DTNB: variants seen among roughly 807,000 people sequenced by gnomAD.
The protein encoded by DTNB is DTN-B.
Under a neutral mutation model 90.7 loss-of-function variants are expected in DTNB, and 63 were observed. The observed-to-expected ratio is 0.69, with a 90% confidence interval of 0.57 to 0.86. DTNB has a LOEUF of 0.86. Ranked by LOEUF, DTNB falls within the 40% of genes least tolerant of loss-of-function variation. The pLI is 0.00. For synonymous variants in DTNB, 277 were observed against 286.7 expected, an observed-to-expected ratio of 0.97 and a Z score of 0.34; for missense variants, 744 against 807.1, an observed-to-expected ratio of 0.92 and a Z score of 0.95.
intron 8 of DTNB, among the ~76,000 whole-genome samples, chr2:25,543,796 G>A (rs1244702000): frequency 6.6e-6 from 1 of 151,356 alleles, no homozygotes; most frequent in Admixed American, 6.6e-5. Context: ...TTTGCTCTTT[G>A]AGTTTACTCT....
At chr2:25,416,153 T>C (rs1186113237) in intron 16 of DTNB, among the ~76,000 whole-genome samples, 2 of 152,204 alleles carry the variant, frequency 1.3e-5, no homozygotes, top group Non-Finnish European at 2.9e-5. Flanking sequence ...CCAGCTGGTG[T>C]CTGCAGAGAA....
At chr2:25,650,015 T>TACATCCCAGC (rs2080514410) in intron 2 of DTNB, 1 of 985,244 alleles carries the variant, frequency 1.0e-6, no homozygotes, top group Non-Finnish European at 1.2e-6. Flanking sequence ...CAAGAAGTCA[T>TACATCCCAGC]ACTTACCAAA....
At chr2:25,562,436 G>T (rs1289997253) in intron 8 of DTNB, among the ~76,000 whole-genome samples, 2 of 152,160 alleles carry the variant, frequency 1.3e-5, no homozygotes, top group Non-Finnish European at 2.9e-5. Context: ...GTTCTCAAGG[G>T]TGTATACCTA....
chr2:25,642,087 T>A (rs1005172012), intron 2 of DTNB, among the ~76,000 whole-genome samples: 2 of 152,200 alleles, frequency 1.3e-5, no homozygotes, highest in East Asian at 3.8e-4. Context: ...CCCAAAGTGC[T>A]GGGATTACAG....
intron 16 of DTNB, among the ~76,000 whole-genome samples, chr2:25,391,314 A>G (rs1161220631): frequency 6.6e-6 from 1 of 152,232 alleles, no homozygotes; most frequent in Non-Finnish European, 1.5e-5. Context: ...CAAGAAAGTG[A>G]AAGTCAACCC....
At chr2:25,527,343 T>C (rs2077361111) in intron 9 of DTNB, among the ~76,000 whole-genome samples, 3 of 152,022 alleles carry the variant, frequency 2.0e-5, no homozygotes, top group Non-Finnish European at 2.9e-5. Flanking sequence ...GCCAACATGG[T>C]GAAACCCCGT....
intron 16 of DTNB, among the ~76,000 whole-genome samples, chr2:25,415,832 A>G (rs575217102): frequency 6.6e-6 from 1 of 152,296 alleles, no homozygotes; most frequent in East Asian, 1.9e-4. Flanking sequence ...CCCTTCTGGA[A>G]CTTGCCCTAT....
intron 8 of DTNB, among the ~76,000 whole-genome samples, chr2:25,559,312 G>A (rs993965330): frequency 2.6e-5 from 4 of 152,024 alleles, no homozygotes; most frequent in Admixed American, 6.6e-5. Context: ...TTTCACCTAC[G>A]GCTCTAGGAG....
At chr2:25,497,281 T>G (rs1261638991) in intron 9 of DTNB, 2 of 152,182 alleles carry the variant, frequency 1.3e-5, no homozygotes, top group African/African-American at 4.8e-5. Flanking sequence ...CATTGGAAGC[T>G]TAAAAATGAA....
chr2:25,525,551 G>T (rs898158428), intron 9 of DTNB, among the ~76,000 whole-genome samples: 1 of 151,718 alleles, frequency 6.6e-6, no homozygotes, highest in Non-Finnish European at 1.5e-5. Flanking sequence ...CAGGAGAATC[G>T]CTTGAACCCA....
In DTNB at chr2:25,571,538, C is replaced by A. The variant is rs144936868; in HGVS notation, c.876+5300G>T. On this transcript the variant is annotated intron_variant, in intron 8 of 20. Transcript: ENST00000406818. Reference sequence around the variant, plus strand: ...TATACCCCTACCCTGAACACTACCTCTTCTCTTCCCCAGATCTCTGCTGGT... The same window carrying A: ...TATACCCCTACCCTGAACACTACCTATTCTCTTCCCCAGATCTCTGCTGGT... Among the ~76,000 whole-genome samples the A allele has an allele frequency of 1.8e-4, 27 of 152,296 alleles. No homozygotes were observed. In the East Asian group the frequency reaches 5.2e-3, roughly 29 times the overall value.
intron 6 of DTNB, among the ~76,000 whole-genome samples, chr2:25,587,709 G>A: frequency 6.6e-6 from 1 of 152,280 alleles, no homozygotes; most frequent in Middle Eastern, 3.4e-3. Flanking sequence ...CATTTAGTAA[G>A]ACACTCTCTC....
intron 8 of DTNB, among the ~76,000 whole-genome samples, chr2:25,551,966 A>G (rs1489443021): frequency 6.6e-6 from 1 of 152,236 alleles, no homozygotes; most frequent in East Asian, 1.9e-4. Flanking sequence ...CAGCTCATCT[A>G]TTTAATTTCT....
At chr2:25,540,101 T>C (rs2151007538) in intron 8 of DTNB, among the ~76,000 whole-genome samples, 2 of 152,304 alleles carry the variant, frequency 1.3e-5, no homozygotes, top group Admixed American at 1.3e-4. Flanking sequence ...CCTACATTCT[T>C]CTTTAGGGTT....
chr2:25,667,313 AC>A (rs747314383), intron 1 of DTNB, among the ~76,000 whole-genome samples: 6 of 151,918 alleles, frequency 3.9e-5, no homozygotes, highest in Non-Finnish European at 8.8e-5. Flanking sequence ...ACATGGTGAA[AC>A]CCTGTCTCTA....
rs70947889 is a variant in DTNB at position 25,420,467 on chromosome 2, A to AATCTATCTATCT, written c.1555-944_1555-933dup. On this transcript the variant is annotated intron_variant, in intron 15 of 20. Transcript: ENST00000406818. ...AGAAATGGTCTCTGTCATCTAAATC[A>AATCTATCTATCT]ATCTATCTATCTATCTATCTATCTA... Among the ~76,000 whole-genome samples the AATCTATCTATCT allele has an allele frequency of 2.7e-3, 400 of 145,620 alleles. 1 individual carries two copies. Among genetic ancestry groups the AATCTATCTATCT allele is most frequent in the East Asian group, 0.011 (51 of 4,778 alleles).
intron 9 of DTNB, among the ~76,000 whole-genome samples, chr2:25,494,475 G>C (rs1162342505): frequency 6.7e-6 from 1 of 149,118 alleles, no homozygotes; most frequent in Non-Finnish European, 1.5e-5. Flanking sequence ...GGGGGGTGGG[G>C]GGAGGAGGGG....
chr2:25,445,920 GTTTT>G (rs11453188), intron 12 of DTNB, among the ~76,000 whole-genome samples: 5 of 137,088 alleles, frequency 3.6e-5, no homozygotes, highest in Non-Finnish European at 6.3e-5. Context: ...ACCCTGGGTA[GTTTT>G]TTTTTTTTTT....
At chr2:25,377,750 A>C (rs1233457819) in intron 20 of DTNB, among the ~76,000 whole-genome samples, 197 bp from the exon 21 acceptor site, 4 of 152,162 alleles carry the variant, frequency 2.6e-5, no homozygotes, top group Non-Finnish European at 5.9e-5. Context: ...TTTCCGTGGA[A>C]GAAAGAATTG....
Sources: gnomAD v4.1 joint callset for allele counts (sites outside exome capture counted in the v4.1 genomes callset) on GRCh38, gnomAD v4.1.1 for gene constraint, MANE v1.5 for transcripts, NCBI Gene and HGNC (gene_info 2026-07-23, HGNC 2026-07-21) for gene names.